ABCA1: variants seen among roughly 807,000 people sequenced by gnomAD.
ABCA1 encodes the protein phospholipid-transporting ATPase ABCA1.
A neutral mutation model predicts 262.5 loss-of-function variants in ABCA1; 133 were observed. The observed-to-expected ratio is 0.51, with a 90% CI of 0.44 to 0.59. The LOEUF is 0.59. Among genes scored for constraint, ABCA1 ranks in the 20% least tolerant of loss-of-function variants. The probability of loss-of-function intolerance (pLI) is 0.00; values close to 1 mark genes in which losing one functional copy is unlikely to be tolerated. For synonymous variants in ABCA1, 1,022 were observed against 1,043.5 expected, an observed-to-expected ratio of 0.98 and a Z score of 0.40; for missense variants, 2,452 against 2,777.5, an observed-to-expected ratio of 0.88 and a Z score of 2.63.
intron 28 of ABCA1, 73 bp downstream of exon 28, chr9:104,812,501 C>T (rs1301334329): frequency 1.9e-6 from 3 of 1,592,758 alleles, no homozygotes; most frequent in African/African-American, 2.7e-5. Flanking sequence ...GGATGCTATC[C>T]TGCCTTCACT....
At chr9:104,888,947 C>T (rs2118327127) in intron 3 of ABCA1, among the ~76,000 whole-genome samples, 155 bp downstream of exon 3, 1 of 152,290 alleles carries the variant, frequency 6.6e-6, no homozygotes, top group South Asian at 2.1e-4. Flanking sequence ...GAGTTCATGC[C>T]TTATCAACAA....
chr9:104,888,174 C>T lies in ABCA1; in HGVS notation c.160+928G>A, dbSNP rs187445645. ...ATATTGTGAGAAAGATGGGACCAGGCCAAGAAACACAATTAAAAGGTGGCC... is the reference window on the plus strand; with the variant it reads ...ATATTGTGAGAAAGATGGGACCAGGTCAAGAAACACAATTAAAAGGTGGCC... On this transcript the variant is annotated intron_variant, in intron 3 of 49. Transcript: ENST00000374736. Among the ~76,000 whole-genome samples the T allele has an allele frequency of 5.3e-5, 8 of 151,924 alleles. No individual in the cohort carries two copies. In the East Asian group the frequency reaches 1.2e-3, roughly 22 times the overall value.
intron 1 of ABCA1, among the ~76,000 whole-genome samples, chr9:104,922,491 C>G (rs1176888436): frequency 1.3e-5 from 2 of 152,186 alleles, no homozygotes; most frequent in Non-Finnish European, 2.9e-5. Flanking sequence ...CCTAGCCTGC[C>G]TATACCTCAG....
intron 4 of ABCA1, 32 bp from the exon 5 acceptor site, chr9:104,883,189 T>C (rs2119172901): frequency 6.4e-7 from 1 of 1,569,168 alleles, no homozygotes; most frequent in South Asian, 1.1e-5. Context: ...GCGAAAGGCT[T>C]TAGCTAGGCC....
At chr9:104,887,319 C>T (rs1372193091) in intron 3 of ABCA1, among the ~76,000 whole-genome samples, 1 of 152,100 alleles carries the variant, frequency 6.6e-6, no homozygotes, top group Admixed American at 6.6e-5. Flanking sequence ...GGAAAAGTCT[C>T]ATTTACCATC....
At position 104,905,404 on chromosome 9, in the gene ABCA1, T is replaced by C. The variant is rs1271342681; in HGVS notation, c.-92-1633A>G. Among the ~76,000 whole-genome samples the C allele has an allele frequency of 2.6e-5, 4 of 152,332 alleles. No individual in the cohort carries two copies. The East Asian group carries it at 7.7e-4, about 29-fold the overall frequency. On this transcript the variant is annotated intron_variant, in intron 1 of 49. Transcript: ENST00000374736. ...CAAGAGATTGGAGGAAATTGCAGTG[T>C]CTGAGAAGAAAAGACAGCCTACCAC... is the stretch of plus-strand genomic sequence containing the variant.
In ABCA1 at chr9:104,782,382, T is replaced by C. The variant is rs1484023953; in HGVS notation, c.*1933A>G. ...AAAATATAGAAAGATTAATTTGAAA[T>C]CTGAAGTCTTACACCTTTAGCGTTA... On this transcript the variant is annotated 3_prime_UTR_variant, in exon 50 of 50. Coordinates refer to ENST00000374736, the MANE Select transcript of ABCA1 (RefSeq NM_005502.4). 1 of 152,082 alleles carries C rather than the reference T, an allele frequency of 6.6e-6. No homozygotes were observed. The highest frequency in any genetic ancestry group is 2.1e-4 in the South Asian group (1 of 4,830). 9.4% of individuals were successfully genotyped at this position (152,082 alleles called of 1,614,324 possible).
At chr9:104,810,994 G>A (rs1831231112) in intron 28 of ABCA1, 70 bp from the exon 29 acceptor site, 4 of 1,608,544 alleles carry the variant, frequency 2.5e-6, no homozygotes, top group Non-Finnish European at 2.5e-6. Context: ...AGGCCAAGGG[G>A]CAAATCCCTA....
intron 6 of ABCA1, among the ~76,000 whole-genome samples, chr9:104,859,640 T>C (rs2472440): frequency 0.38 from 58,448 of 152,092 alleles, 13,077 homozygotes; most frequent in African/African-American, 0.63. Context: ...CTACCATGAT[T>C]CCCATTAAGT....
In ABCA1 at chr9:104,784,409, T is replaced by C; in HGVS notation, c.6692A>G (p.Lys2231Arg). Residue 2231 changes from lysine to arginine, a missense_variant, in exon 50 of 50, where the codon AAA becomes AGA. Transcript: ENST00000374736. ...CTGGTTTTTGTGTAATGAGAGGTCTTTTAAGTGGTCATCATCACTTTGGTC... is the reference window on the plus strand; with the variant it reads ...CTGGTTTTTGTGTAATGAGAGGTCTCTTAAGTGGTCATCATCACTTTGGTC... ...AKDQSDDDHL[K>R]DLSLHKNQTV... The C allele has an allele frequency of 6.2e-7, 1 of 1,614,090 alleles. No individual in the cohort carries two copies. The highest frequency in any genetic ancestry group is 8.5e-7 in the Non-Finnish European group (1 of 1,179,978).
chr9:104,903,694 C>T lies in ABCA1; in HGVS notation c.-15G>A. ...CAACAAGCCATGTTCCCTCAGCCAG[C>T]ACCCCCAGCGTGTGGCTCGGGAGCC... is the stretch of plus-strand genomic sequence containing the variant. On this transcript the variant is annotated 5_prime_UTR_variant, in exon 2 of 50. Transcript: ENST00000374736. 6.4e-7 allele frequency: 1 copy of T among 1,573,868 alleles called. No individual in the cohort carries two copies. The highest frequency in any genetic ancestry group is 1.2e-5 in the South Asian group (1 of 85,882).
intron 1 of ABCA1, among the ~76,000 whole-genome samples, chr9:104,908,473 C>T (rs1182271128): frequency 6.6e-6 from 1 of 152,152 alleles, no homozygotes; most frequent in Non-Finnish European, 1.5e-5. Flanking sequence ...TTGAGATCAG[C>T]CTGGCCAACA....
Position 104,827,032 on chromosome 9 carries a change from G to T in ABCA1, c.2253C>A (p.Gly751=). The change falls in exon 16 of 50, where the codon GGC becomes GGA. Residue 751 remains glycine, a synonymous_variant. Transcript: ENST00000374736. ...GCAGGTACAGCGTGAAGTAGATGAT[G>T]CCCCCACAGGCTGCTGCCAGGTTGG... The part of the protein sequence containing the change: ...SRANLAAACG[G]IIYFTLYLPY... 1 of 1,614,188 alleles carries T rather than the reference G, an allele frequency of 6.2e-7. No individual in the cohort carries two copies. The highest frequency in any genetic ancestry group is 8.5e-7 in the Non-Finnish European group (1 of 1,180,024).
intron 1 of ABCA1, among the ~76,000 whole-genome samples, chr9:104,909,633 C>CAT (rs1028761030): frequency 2.0e-5 from 3 of 150,508 alleles, no homozygotes; most frequent in African/African-American, 7.4e-5. Context: ...CACACACACA[C>CAT]ACACACACAC....
chr9:104,826,725 T>C (rs1187206551), intron 16 of ABCA1, among the ~76,000 whole-genome samples: 1 of 152,186 alleles, frequency 6.6e-6, no homozygotes, highest in Admixed American at 6.5e-5. Flanking sequence ...AAAAATTCCA[T>C]TCAATTCAAT....
At chr9:104,846,696 A>G (rs532343149) in intron 7 of ABCA1, among the ~76,000 whole-genome samples, 14 of 152,342 alleles carry the variant, frequency 9.2e-5, no homozygotes, top group African/African-American at 2.9e-4. Context: ...TCTATGAAAG[A>G]ACTTGTCCAG....
chr9:104,844,543 T>C (rs1834689033), intron 8 of ABCA1, among the ~76,000 whole-genome samples: 1 of 152,144 alleles, frequency 6.6e-6, no homozygotes, highest in Non-Finnish European at 1.5e-5. Context: ...CATGCAATAC[T>C]TTCATTGTTA....
chr9:104,804,768 T>G (rs1273424051), intron 31 of ABCA1, 48 bp from the exon 32 acceptor site: 1 of 1,506,228 alleles, frequency 6.6e-7, no homozygotes, highest in Admixed American at 1.7e-5. Flanking sequence ...AGACAAGAAT[T>G]GAAACAGAAA....
intron 1 of ABCA1, among the ~76,000 whole-genome samples, chr9:104,913,445 T>C (rs537969599): frequency 1.3e-5 from 2 of 152,344 alleles, no homozygotes; most frequent in African/African-American, 4.8e-5. Flanking sequence ...AAAGTAAGTG[T>C]ACAGTAGCTA....
Sources: allele counts gnomAD v4.1 joint callset (sites outside exome capture counted in the v4.1 genomes callset), GRCh38; gene constraint gnomAD v4.1.1; transcripts MANE v1.5; gene names NCBI Gene and HGNC (gene_info 2026-07-23, HGNC 2026-07-21).